The following SNTG1 variants were observed in gnomAD, a reference collection of about 807,000 sequenced individuals.
SNTG1 encodes syntrophin gamma 1.
A neutral mutation model predicts 74.7 loss-of-function variants in SNTG1; 39 were observed. The observed-to-expected ratio is 0.52, with a 90% confidence interval of 0.40 to 0.68. SNTG1 has a LOEUF of 0.68. Among genes scored for constraint, SNTG1 ranks in the 30% least tolerant of loss-of-function variants. SNTG1 has a pLI of 0.00. For missense variants in SNTG1, 685 were observed against 609.5 expected, an observed-to-expected ratio of 1.12 and a Z score of -1.30; for synonymous variants, 254 against 217.1, an observed-to-expected ratio of 1.17 and a Z score of -1.49.
chr8:50,672,549 T>C (rs1253215061), intron 15 of SNTG1, among the ~76,000 whole-genome samples: 1 of 152,006 alleles, frequency 6.6e-6, no homozygotes, highest in Non-Finnish European at 1.5e-5. Context: ...TTTTTTCTTG[T>C]AAATTTGTTT....
intron 17 of SNTG1, among the ~76,000 whole-genome samples, chr8:50,731,347 T>C (rs1358203973): frequency 2.0e-5 from 3 of 152,132 alleles, no homozygotes; most frequent in Non-Finnish European, 4.4e-5. Flanking sequence ...GTGCATGAAC[T>C]TTACCAGTAT....
At position 50,231,381 on chromosome 8, in the gene SNTG1, G is replaced by T. The variant is rs981258720; in HGVS notation, c.-28+58746G>T. Among the ~76,000 whole-genome samples the T allele has an allele frequency of 4.0e-5, 6 of 151,268 alleles. No homozygotes were observed. The East Asian group carries it at 5.8e-4, about 15-fold the overall frequency. ...TATGATCCAGCAATCCCACTTCTGG[G>T]TATTTATCAAAAAGATTTGAAATCA... On this transcript the variant is annotated intron_variant, in intron 2 of 18. Coordinates refer to ENST00000642720, the MANE Select transcript of SNTG1 (RefSeq NM_018967.5).
intron 2 of SNTG1, among the ~76,000 whole-genome samples, chr8:50,283,572 A>G (rs1298465698): frequency 6.6e-6 from 1 of 152,186 alleles, no homozygotes; most frequent in Non-Finnish European, 1.5e-5. Context: ...CGTCAATTCC[A>G]GCATCCTTTA....
chr8:49,996,171 T>G (rs1814195886), intron 1 of SNTG1, among the ~76,000 whole-genome samples: 1 of 152,144 alleles, frequency 6.6e-6, no homozygotes, highest in African/African-American at 2.4e-5. Flanking sequence ...CTCAGATTTA[T>G]ATATAAAGCT....
chr8:50,784,383 C>A (rs1205485707), intron 18 of SNTG1, among the ~76,000 whole-genome samples: 1 of 151,454 alleles, frequency 6.6e-6, no homozygotes, highest in Non-Finnish European at 1.5e-5. Context: ...AAAAAAGAAC[C>A]CGAATAACTA....
chr8:50,210,334 C>A lies in SNTG1; in HGVS notation c.-28+37699C>A, dbSNP rs560590057. The stretch of plus-strand genomic sequence containing the variant: ...ATATTATCCAGGAGAACTTCCCCAA[C>A]CTAGCAAGGCAGGCCAACATTCAAA... On this transcript the variant is annotated intron_variant, in intron 2 of 18. Coordinates refer to ENST00000642720, the MANE Select transcript of SNTG1 (RefSeq NM_018967.5). Among the ~76,000 whole-genome samples, 6 of 152,278 alleles carry A rather than the reference C, an allele frequency of 3.9e-5. No individual in the cohort carries two copies. The South Asian group carries it at 1.2e-3, about 32-fold the overall frequency.
chr8:50,545,304 A>G (rs910211066), intron 11 of SNTG1, among the ~76,000 whole-genome samples: 4 of 151,572 alleles, frequency 2.6e-5, no homozygotes, highest in Middle Eastern at 3.2e-3. Context: ...ATTCAGATAT[A>G]AATATCTGCT....
At chr8:50,361,083 T>A (rs1232596833) in intron 2 of SNTG1, among the ~76,000 whole-genome samples, 1 of 152,244 alleles carries the variant, frequency 6.6e-6, no homozygotes, top group African/African-American at 2.4e-5. Flanking sequence ...AAATATTTTC[T>A]TTCATATATC....
intron 17 of SNTG1, among the ~76,000 whole-genome samples, chr8:50,732,518 G>T (rs1430009929): frequency 1.3e-5 from 2 of 151,736 alleles, no homozygotes; most frequent in Non-Finnish European, 2.9e-5. Context: ...AACACAAAAT[G>T]TTTAGAATTT....
At chr8:50,269,905 T>C (rs2087689637) in intron 2 of SNTG1, among the ~76,000 whole-genome samples, 2 of 152,172 alleles carry the variant, frequency 1.3e-5, no homozygotes, top group African/African-American at 4.8e-5. Context: ...TTTGGAAAAG[T>C]TCATGGAACA....
intron 1 of SNTG1, among the ~76,000 whole-genome samples, chr8:50,172,336 T>A (rs778193440): frequency 5.9e-5 from 9 of 152,192 alleles, no homozygotes; most frequent in Non-Finnish European, 1.2e-4. Flanking sequence ...TCTTGTGGCA[T>A]TAGTCATTTG....
At chr8:50,533,861 A>C (rs1394152341) in intron 10 of SNTG1, among the ~76,000 whole-genome samples, 1 of 152,190 alleles carries the variant, frequency 6.6e-6, no homozygotes, top group Admixed American at 6.6e-5. Context: ...CATACTTGCC[A>C]ATCTATGAAG....
intron 1 of SNTG1, among the ~76,000 whole-genome samples, chr8:49,930,910 A>T (rs1186346531): frequency 6.6e-6 from 1 of 152,200 alleles, no homozygotes; most frequent in African/African-American, 2.4e-5. Context: ...ATACATTAAC[A>T]CATCTATAGC....
chr8:50,103,123 G>A (rs991055907), intron 1 of SNTG1, among the ~76,000 whole-genome samples: 5 of 152,070 alleles, frequency 3.3e-5, no homozygotes, highest in Admixed American at 6.6e-5. Context: ...TGATGGGGAT[G>A]GCATTGAATC....
chr8:50,179,381 A>G (rs560919253), intron 2 of SNTG1, among the ~76,000 whole-genome samples: 2 of 152,298 alleles, frequency 1.3e-5, no homozygotes, highest in South Asian at 4.1e-4. Flanking sequence ...CAATCTGTAT[A>G]TGGCTTTAGG....
At chr8:50,134,129 G>A (rs2131419240) in intron 1 of SNTG1, among the ~76,000 whole-genome samples, 1 of 152,264 alleles carries the variant, frequency 6.6e-6, no homozygotes, top group Middle Eastern at 3.4e-3. Flanking sequence ...TATGGTGGTG[G>A]GTTAGTATCA....
intron 8 of SNTG1, among the ~76,000 whole-genome samples, chr8:50,496,261 T>A (rs968951697): frequency 6.6e-6 from 1 of 152,196 alleles, no homozygotes; most frequent in African/African-American, 2.4e-5. Context: ...CTGACTCTCT[T>A]AAGATCAAAA....
intron 1 of SNTG1, among the ~76,000 whole-genome samples, chr8:50,095,844 T>A (rs2079906670): frequency 6.6e-6 from 1 of 152,208 alleles, no homozygotes; most frequent in Middle Eastern, 3.2e-3. Flanking sequence ...GTGCTTTTTT[T>A]CAAATTCTCC....
chr8:50,180,388 T>A (rs1433985427), intron 2 of SNTG1, among the ~76,000 whole-genome samples: 1 of 152,180 alleles, frequency 6.6e-6, no homozygotes, highest in Non-Finnish European at 1.5e-5. Flanking sequence ...TACTGTTCTG[T>A]ATACTGGAAA....
Sources: gnomAD v4.1 joint callset for allele counts (sites outside exome capture counted in the v4.1 genomes callset) on GRCh38, gnomAD v4.1.1 for gene constraint, MANE v1.5 for transcripts, NCBI Gene and HGNC (gene_info 2026-07-23, HGNC 2026-07-21) for gene names.